BMPR2: variants seen among roughly 807,000 people sequenced by gnomAD.
The protein encoded by BMPR2 is bone morphogenetic protein receptor type-2.
BMPR2 carries 29 observed loss-of-function variants against 100.8 expected under a neutral mutation model. The observed-to-expected ratio is 0.29, with a 90% CI of 0.21 to 0.39. The LOEUF (loss-of-function observed/expected upper bound fraction) is 0.39, where lower values mean the gene tolerates loss of function less well. Ranked by LOEUF, BMPR2 falls within the 10% of genes least tolerant of loss-of-function variation. BMPR2 has a pLI of 1.00. For synonymous variants in BMPR2, 382 were observed against 442.3 expected (o/e 0.86, Z 1.71); for missense variants, 1,011 against 1,274.5 (o/e 0.79, Z 3.15).
rs1321553255 is a variant in BMPR2, at chr2:202,555,881, C to T, written c.2216C>T (p.Pro739Leu). 1.2e-6 allele frequency: 2 copies of T among 1,614,036 alleles called. No homozygotes were observed. Among genetic ancestry groups the T allele is most frequent in the Admixed American group, 3.3e-5 (2 of 60,008 alleles). Residue 739 changes from proline (P) to leucine (L), a missense_variant, in exon 12 of 13, where the codon CCT (proline) becomes CTT (leucine). Transcript: ENST00000374580. ...GCATGTTTGATTCCTGATGTTCTGC[C>T]TACTCAGATCTATCCTCTCCCCAAG... ...GQACLIPDVL[P>L]TQIYPLPKQQ...
At chr2:202,471,515 C>T (rs547026512) in intron 3 of BMPR2, among the ~76,000 whole-genome samples, 8 of 152,268 alleles carry the variant, frequency 5.3e-5, no homozygotes, top group Admixed American at 5.2e-4. Flanking sequence ...GAGAAGGACA[C>T]ATAACTAATA....
chr2:202,480,640 G>T (rs1006212015), intron 3 of BMPR2, among the ~76,000 whole-genome samples: 1 of 151,822 alleles, frequency 6.6e-6, no homozygotes, highest in African/African-American at 2.4e-5. Flanking sequence ...CAATTGAAAA[G>T]TCTTGGTATC....
chr2:202,566,983 T>C lies in BMPR2; in HGVS notation c.*7037T>C, dbSNP rs1361006268. On this transcript the variant is annotated 3_prime_UTR_variant, in exon 13 of 13. Transcript: ENST00000374580. ...GATGCAATTCAAAGATAGGTCCCAGTTTAACACTGAATTGCTTGACTTCTG... is the reference window on the plus strand; with the variant it reads ...GATGCAATTCAAAGATAGGTCCCAGCTTAACACTGAATTGCTTGACTTCTG... The C allele has an allele frequency of 6.6e-6, 1 of 152,232 alleles. No homozygotes were observed. The highest frequency in any genetic ancestry group is 2.4e-5 in the African/African-American group (1 of 41,466). The allele number at this position is 152,232 out of a possible 1,614,324, so 9.4% of individuals were successfully genotyped here.
At chr2:202,445,706 C>T (rs547863133) in intron 1 of BMPR2, among the ~76,000 whole-genome samples, 8 of 150,160 alleles carry the variant, frequency 5.3e-5, no homozygotes, top group Non-Finnish European at 1.2e-4. Context: ...GTGATCCTCC[C>T]GCCTTGGCCT....
intron 1 of BMPR2, among the ~76,000 whole-genome samples, chr2:202,385,925 GTTTGA>G (rs1168470269): frequency 2.0e-5 from 3 of 152,032 alleles, no homozygotes; most frequent in African/African-American, 4.8e-5. Context: ...CCTGCTTGTT[GTTTGA>G]TTTATTTCCA....
At chr2:202,465,334 G>C (rs183856233) in intron 2 of BMPR2, among the ~76,000 whole-genome samples, 1 of 152,118 alleles carries the variant, frequency 6.6e-6, no homozygotes, top group East Asian at 1.9e-4. Flanking sequence ...GTTGTAGTGA[G>C]CTGAGATGTC....
At chr2:202,454,530 C>G (rs1012654495) in intron 1 of BMPR2, among the ~76,000 whole-genome samples, 3 of 152,086 alleles carry the variant, frequency 2.0e-5, no homozygotes, top group African/African-American at 7.2e-5. Context: ...AGTAACTTAC[C>G]TACTAACTTA....
intron 1 of BMPR2, among the ~76,000 whole-genome samples, chr2:202,440,342 G>T (rs1232402493): frequency 2.1e-4 from 31 of 149,712 alleles, no homozygotes; most frequent in Admixed American, 2.0e-3. Context: ...TCGCGGCCGG[G>T]CACAGGCGCT....
intron 8 of BMPR2, among the ~76,000 whole-genome samples, chr2:202,531,305 C>G (rs1688022524): frequency 6.6e-6 from 1 of 152,000 alleles, no homozygotes; most frequent in African/African-American, 2.4e-5. Flanking sequence ...AGACTCAGGA[C>G]AATTATCCTC....
chr2:202,532,536 C>T lies in BMPR2; in HGVS notation c.1129-49C>T, dbSNP rs763671006. 3 of 1,594,372 alleles carry T rather than the reference C, an allele frequency of 1.9e-6. 1 individual carries two copies. In the Admixed American group the frequency reaches 5.0e-5, roughly 27 times the overall value. ...AACTTCTGGTCTAATGTCTGTTCTT[C>T]AGAATATGCTACGTTCTCTCTCTAA... is the stretch of plus-strand genomic sequence containing the variant. On this transcript the variant is annotated intron_variant, in intron 8 of 12. Coordinates refer to ENST00000374580, the MANE Select transcript of BMPR2 (RefSeq NM_001204.7). The surrounding 1 kb of genome is among the most constrained non-coding windows in gnomAD (Gnocchi z 4.1).
At position 202,566,290 on chromosome 2, in the gene BMPR2, C is replaced by G. The variant is rs922942203; in HGVS notation, c.*6344C>G. ...TTAAAAACTCAGGGCCCCTTTCATC[C>G]CTTTGTACACTGAAAAAGTTCAATT... On this transcript the variant is annotated 3_prime_UTR_variant, in exon 13 of 13. Transcript: ENST00000374580. The G allele has an allele frequency of 6.6e-6, 1 of 152,514 alleles. No individual in the cohort carries two copies. Among genetic ancestry groups the G allele is most frequent in the Non-Finnish European group, 1.5e-5 (1 of 67,988 alleles). 9.4% of individuals were successfully genotyped at this position (152,514 alleles called of 1,614,324 possible). A position where few individuals can be genotyped will look rare whatever the true frequency, so the allele number is the denominator to read the frequency against.
intron 3 of BMPR2, among the ~76,000 whole-genome samples, chr2:202,478,429 T>G (rs1229753528): frequency 6.6e-6 from 1 of 152,216 alleles, no homozygotes; most frequent in African/African-American, 2.4e-5. Context: ...TGGAATGGGT[T>G]GACAGAACGT....
At chr2:202,393,916 A>AGAGAGAGAGAGAGG (rs1690607361) in intron 1 of BMPR2, among the ~76,000 whole-genome samples, 2 of 138,564 alleles carry the variant, frequency 1.4e-5, no homozygotes, top group Non-Finnish European at 3.2e-5. Context: ...AGAGAGAGAG[A>AGAGAGAGAGAGAGG]GAGAGAGAGA....
chr2:202,555,744 C>T lies in BMPR2; in HGVS notation c.2079C>T (p.Phe693=). 6.2e-7 allele frequency: 1 copy of T among 1,614,142 alleles called. No homozygotes were observed. The change falls in exon 12 of 13, where the codon TTC becomes TTT. Residue 693 remains phenylalanine, a synonymous_variant. Coordinates refer to ENST00000374580, the MANE Select transcript of BMPR2 (RefSeq NM_001204.7). ...TCATGGAGCACTCTCTTAAACAGTT[C>T]AGTGGCCCAGACCCACTGAGCAGTA... The part of the protein sequence containing the change: ...ENLMEHSLKQ[F]SGPDPLSSTS...
intron 1 of BMPR2, among the ~76,000 whole-genome samples, chr2:202,449,787 T>C (rs530350606): frequency 6.6e-6 from 1 of 152,302 alleles, no homozygotes; most frequent in South Asian, 2.1e-4. Context: ...TGGTTTGTAT[T>C]ATTTTGCTGT....
chr2:202,442,213 T>C lies in BMPR2; in HGVS notation c.77-22596T>C, dbSNP rs559892727. On this transcript the variant is annotated intron_variant, in intron 1 of 12. Coordinates refer to ENST00000374580, the MANE Select transcript of BMPR2 (RefSeq NM_001204.7). ...CTTTATAGCTTGTATGCTTCTATGG[T>C]CCCCCAGCAAGAAATCTTGTACTCA... Among the ~76,000 whole-genome samples, 6 of 150,326 alleles carry C rather than the reference T, an allele frequency of 4.0e-5. No homozygotes were observed. In the East Asian group the frequency reaches 1.2e-3, roughly 29 times the overall value.
chr2:202,458,941 T>G (rs920801483), intron 1 of BMPR2, among the ~76,000 whole-genome samples: 53 of 152,188 alleles, frequency 3.5e-4, no homozygotes, highest in African/African-American at 1.2e-3. Flanking sequence ...TGCAATATCT[T>G]GAAGACAGAA....
At chr2:202,530,687 A>G in intron 7 of BMPR2, 107 bp from the exon 8 acceptor site, 1 of 1,032,814 alleles carries the variant, frequency 9.7e-7, no homozygotes, top group Non-Finnish European at 1.4e-6. Flanking sequence ...TTGTTATTAG[A>G]AAATTAATGG....
At chr2:202,496,881 A>T (rs751007182) in intron 3 of BMPR2, among the ~76,000 whole-genome samples, 2 of 151,992 alleles carry the variant, frequency 1.3e-5, no homozygotes, top group Non-Finnish European at 2.9e-5. Flanking sequence ...GCCGGAGCCC[A>T]CTCCTTCAGC....
Sources: allele counts gnomAD v4.1 joint callset (sites outside exome capture counted in the v4.1 genomes callset), GRCh38; gene constraint gnomAD v4.1.1; non-coding constraint Gnocchi (gnomAD v3.1); transcripts MANE v1.5; gene names NCBI Gene and HGNC (gene_info 2026-07-23, HGNC 2026-07-21).